The following TXNRD1 variants were observed in gnomAD, a reference collection of about 807,000 sequenced individuals.
TXNRD1 encodes thioredoxin reductase 1, cytoplasmic.
In TXNRD1, 57 loss-of-function variants were observed where a neutral mutation model predicts 80.3. The observed-to-expected ratio is 0.71, with a 90% CI of 0.57 to 0.89. TXNRD1 has a LOEUF of 0.89. Ranked by LOEUF, TXNRD1 falls within the 40% of genes least tolerant of loss-of-function variation. TXNRD1 has a pLI of 0.00. For synonymous variants in TXNRD1, 291 were observed against 285.2 expected (o/e 1.02, Z -0.20); for missense variants, 730 against 803.0 (o/e 0.91, Z 1.10).
At chr12:104,240,779 G>A (rs2032840926) in intron 1 of TXNRD1, among the ~76,000 whole-genome samples, 1 of 137,926 alleles carries the variant, frequency 7.3e-6, no homozygotes, top group Admixed American at 7.6e-5. Flanking sequence ...GTGTTGCTCT[G>A]TCACCCAGGC....
chr12:104,331,570 C>G lies in TXNRD1; in HGVS notation c.1579C>G (p.Pro527Ala). 1 of 1,612,018 alleles carries G rather than the reference C, an allele frequency of 6.2e-7. No individual in the cohort carries two copies. Among genetic ancestry groups the G allele is most frequent in the South Asian group, 1.1e-5 (1 of 90,714 alleles). Reference protein sequence around the residue: ...YENVPTTVFTPLEYGACGLSE... With the variant: ...YENVPTTVFTALEYGACGLSE... ...AAATGTTCCAACCACTGTATTTACT[C>G]CTTTGGAATATGGTGCTTGTGGCCT... The change falls in exon 14 of 17, where the codon CCT becomes GCT. Residue 527 changes from proline to alanine, a missense_variant. Pro to Ala is a conservative substitution (Grantham distance 27). Transcript: ENST00000525566.
At chr12:104,287,038 G>T (rs2033991165) in intron 3 of TXNRD1, 2 of 1,390,006 alleles carry the variant, frequency 1.4e-6, no homozygotes, top group Admixed American at 6.0e-5. Context: ...CTTCACTCCG[G>T]CATTTGCAGC....
chr12:104,309,881 T>A, intron 4 of TXNRD1: 1 of 1,536,064 alleles, frequency 6.5e-7, no homozygotes, highest in Non-Finnish European at 8.7e-7. Context: ...TTGCCCCCAC[T>A]GTTGCTGGTT....
chr12:104,229,749 C>A (rs1216324713), intron 1 of TXNRD1, among the ~76,000 whole-genome samples: 3 of 151,756 alleles, frequency 2.0e-5, no homozygotes, highest in Admixed American at 1.3e-4. Context: ...CACGCTACCA[C>A]GCCTGGCTAA....
At chr12:104,272,700 G>C (rs1293966695) in intron 3 of TXNRD1, among the ~76,000 whole-genome samples, 1 of 151,760 alleles carries the variant, frequency 6.6e-6, no homozygotes, top group Non-Finnish European at 1.5e-5. Context: ...GCTGAGGCAG[G>C]AGAATGGCAT....
intron 4 of TXNRD1, among the ~76,000 whole-genome samples, chr12:104,293,524 C>T (rs1330650286): frequency 6.6e-6 from 1 of 152,164 alleles, no homozygotes; most frequent in Non-Finnish European, 1.5e-5. Context: ...GATATTGGCT[C>T]ATTGCAACCT....
intron 3 of TXNRD1, among the ~76,000 whole-genome samples, chr12:104,264,797 G>T (rs890527495): frequency 3.3e-5 from 5 of 152,128 alleles, no homozygotes; most frequent in Admixed American, 2.6e-4. Context: ...TGTACGTGAA[G>T]TTTTTGCTGT....
chr12:104,293,117 C>T (rs555940289), intron 4 of TXNRD1, among the ~76,000 whole-genome samples: 1 of 152,094 alleles, frequency 6.6e-6, no homozygotes, highest in Non-Finnish European at 1.5e-5. Context: ...TATAGGGAAC[C>T]TCTTTTGTAT....
chr12:104,313,152 T>C (rs1402872202), intron 5 of TXNRD1, 93 bp from the exon 6 acceptor site: 1 of 986,414 alleles, frequency 1.0e-6, no homozygotes, highest in Non-Finnish European at 1.6e-6. Flanking sequence ...CTTTAAGCTC[T>C]ATAGCTTAAA....
intron 3 of TXNRD1, among the ~76,000 whole-genome samples, chr12:104,267,824 CTCCCTCCT>C (rs1186831612): frequency 7.0e-6 from 1 of 141,886 alleles, no homozygotes; most frequent in African/African-American, 2.6e-5. Flanking sequence ...CCTTCCCTCC[CTCCCTCCT>C]TCCCTCCTTC....
intron 3 of TXNRD1, among the ~76,000 whole-genome samples, chr12:104,263,926 T>C (rs1379564670): frequency 6.6e-6 from 1 of 152,216 alleles, no homozygotes; most frequent in Non-Finnish European, 1.5e-5. Flanking sequence ...AATTCTGTTG[T>C]TGTGAGGAAG....
intron 16 of TXNRD1, among the ~76,000 whole-genome samples, chr12:104,341,139 G>C (rs900834672): frequency 1.3e-5 from 2 of 152,128 alleles, no homozygotes; most frequent in African/African-American, 4.8e-5. Context: ...GTCTCCTGAA[G>C]CCCATGGCTG....
intron 1 of TXNRD1, among the ~76,000 whole-genome samples, chr12:104,250,061 T>G (rs1449064864): frequency 6.6e-6 from 1 of 152,102 alleles, no homozygotes; most frequent in Non-Finnish European, 1.5e-5. Flanking sequence ...AGTCTAGGTG[T>G]AGTGACAGTA....
chr12:104,305,483 T>G (rs2034869739), intron 4 of TXNRD1, among the ~76,000 whole-genome samples: 1 of 152,212 alleles, frequency 6.6e-6, no homozygotes, highest in African/African-American at 2.4e-5. Flanking sequence ...GTTATTGTAC[T>G]CAGCAAAAGT....
intron 1 of TXNRD1, among the ~76,000 whole-genome samples, chr12:104,248,271 G>GTTTA (rs994696045): frequency 1.3e-5 from 2 of 152,002 alleles, no homozygotes; most frequent in Non-Finnish European, 2.9e-5. Flanking sequence ...AAATATGTTT[G>GTTTA]TTTATTTATT....
intron 1 of TXNRD1, among the ~76,000 whole-genome samples, chr12:104,241,528 G>T (rs749185106): frequency 6.6e-6 from 1 of 151,218 alleles, no homozygotes; most frequent in East Asian, 2.0e-4. Context: ...GTGCCACCAC[G>T]ACCGGCTAAT....
chr12:104,303,644 G>A (rs1176667184), intron 4 of TXNRD1: 1 of 407,794 alleles, frequency 2.5e-6, no homozygotes, highest in Admixed American at 4.5e-5. Context: ...CTATGAGCGA[G>A]CGCCTCGGCT....
chr12:104,321,935 T>C (rs2135833354), intron 10 of TXNRD1, among the ~76,000 whole-genome samples: 1 of 152,290 alleles, frequency 6.6e-6, no homozygotes, highest in South Asian at 2.1e-4. Context: ...TAATAGATAA[T>C]TTTCTCTAGT....
At chr12:104,244,902 G>A (rs1035585872) in intron 1 of TXNRD1, among the ~76,000 whole-genome samples, 3 of 152,220 alleles carry the variant, frequency 2.0e-5, no homozygotes, top group Non-Finnish European at 4.4e-5. Context: ...GAGAAAAGCT[G>A]TGGCAAGGTA....
Sources: gnomAD v4.1 joint callset for allele counts (sites outside exome capture counted in the v4.1 genomes callset) on GRCh38, gnomAD v4.1.1 for gene constraint, MANE v1.5 for transcripts, NCBI Gene and HGNC (gene_info 2026-07-23, HGNC 2026-07-21) for gene names.